CDC14A: variants seen among roughly 807,000 people sequenced by gnomAD.
The protein encoded by CDC14A is dual specificity protein phosphatase CDC14A.
In CDC14A, 53 loss-of-function variants were observed where a neutral mutation model predicts 74.4. That is an observed-to-expected ratio of 0.71 (90% CI 0.57 to 0.89). CDC14A has a LOEUF of 0.89. Among genes scored for constraint, CDC14A ranks in the 40% least tolerant of loss-of-function variants. The pLI is 0.00. For synonymous variants in CDC14A, 247 were observed against 258.4 expected (o/e 0.96, Z 0.43); for missense variants, 646 against 713.7 (o/e 0.91, Z 1.08).
At chr1:100,453,168 T>C (rs560685996) in intron 7 of CDC14A, among the ~76,000 whole-genome samples, 1 of 152,278 alleles carries the variant, frequency 6.6e-6, no homozygotes, top group Non-Finnish European at 1.5e-5. Context: ...GGTAGGAGGA[T>C]TTGCAAACAT....
In CDC14A at chr1:100,383,894, C is replaced by CTT. The variant is rs368973262; in HGVS notation, c.216+6284_216+6285dup. On this transcript the variant is annotated intron_variant, in intron 3 of 15. Coordinates refer to ENST00000336454, the MANE Select transcript of CDC14A (RefSeq NM_003672.4). Reference sequence around the variant, plus strand: ...TGTTTCTTTAAATTGACCTTTAACTCTTTTTTTTTTTTGGCTTTGGCTTTG... The same window carrying CTT: ...TGTTTCTTTAAATTGACCTTTAACTCTTTTTTTTTTTTTTGGCTTTGGCTTTG... Among the ~76,000 whole-genome samples the CTT allele has an allele frequency of 6.9e-3, 1,005 of 146,440 alleles. 8 individuals carry two copies. The highest frequency in any genetic ancestry group is 0.024 in the African/African-American group (947 of 40,292).
At chr1:100,489,731 C>T (rs540066723) in intron 11 of CDC14A, among the ~76,000 whole-genome samples, 1 of 152,236 alleles carries the variant, frequency 6.6e-6, no homozygotes, top group African/African-American at 2.4e-5. Context: ...GGCAGTGGGG[C>T]ATCTGAGAGC....
chr1:100,418,934 C>G (rs1482901740), intron 4 of CDC14A, among the ~76,000 whole-genome samples: 1 of 152,176 alleles, frequency 6.6e-6, no homozygotes, highest in African/African-American at 2.4e-5. Flanking sequence ...CCTGTAATCC[C>G]AGCACTTTGG....
Position 100,367,353 on chromosome 1 carries a change from T to C in CDC14A, c.141-10193T>C, listed in dbSNP as rs192178461. Among the ~76,000 whole-genome samples, 20 of 152,342 alleles carry C rather than the reference T, an allele frequency of 1.3e-4. No individual in the cohort carries two copies. The East Asian group carries it at 3.1e-3, about 23-fold the overall frequency. On this transcript the variant is annotated intron_variant, in intron 2 of 15. Coordinates refer to ENST00000336454, the MANE Select transcript of CDC14A (RefSeq NM_003672.4). ...TGTATTATAAGTATGTTTTCATTTT[T>C]CCCTCAACTCTGGTGAAGAAGGTTC...
chr1:100,353,888 T>G, intron 2 of CDC14A, 36 bp downstream of exon 2: 47 of 1,163,424 alleles, frequency 4.0e-5, no homozygotes, highest in Non-Finnish European at 5.7e-5. Flanking sequence ...CTCTTGGCCA[T>G]TCAGCTTGTT....
At position 100,389,451 on chromosome 1, in the gene CDC14A, CA is replaced by C. The variant is rs111538330; in HGVS notation, c.217-1269del. Reference sequence around the variant, plus strand: ...TGGGTGACAAAGCGAGAATCTGTCTCAAAAAAAAAAAATATATATATATGTG... The same window carrying C: ...TGGGTGACAAAGCGAGAATCTGTCTCAAAAAAAAAAATATATATATATGTG... On this transcript the variant is annotated intron_variant, in intron 3 of 15. Coordinates refer to ENST00000336454, the MANE Select transcript of CDC14A (RefSeq NM_003672.4). Among the ~76,000 whole-genome samples, 469 of 112,390 alleles carry C rather than the reference CA, an allele frequency of 4.2e-3. 1 individual carries two copies. Among genetic ancestry groups the C allele is most frequent in the Middle Eastern group, 0.018 (4 of 222 alleles). The allele number at this position is 112,390 out of a possible 152,430, so 73.7% of individuals were successfully genotyped here. A position where few individuals can be genotyped will look rare whatever the true frequency, so the allele number is the denominator to read the frequency against.
intron 5 of CDC14A, among the ~76,000 whole-genome samples, chr1:100,435,842 A>G (rs1175225612): frequency 6.8e-6 from 1 of 146,172 alleles, no homozygotes; most frequent in Non-Finnish European, 1.5e-5. Context: ...AAAAAAAAAA[A>G]AAAAAGGAAA....
intron 11 of CDC14A, among the ~76,000 whole-genome samples, chr1:100,491,572 A>ATATATATATT (rs1418515078): frequency 2.4e-3 from 59 of 25,100 alleles, no homozygotes; most frequent in Non-Finnish European, 3.2e-3. Context: ...ATATATATAT[A>ATATATATATT]TTTTTTTTTT....
chr1:100,385,166 A>G (rs561458705), intron 3 of CDC14A, among the ~76,000 whole-genome samples: 1 of 152,336 alleles, frequency 6.6e-6, no homozygotes, highest in South Asian at 2.1e-4. Flanking sequence ...ACTTGACCAG[A>G]TGGACAGTGT....
Position 100,463,954 on chromosome 1 carries a change from T to C in CDC14A, c.838+1073T>C, listed in dbSNP as rs188655976. On this transcript the variant is annotated intron_variant, in intron 9 of 15. Transcript: ENST00000336454. ...TAGACCCGGTTTCCCTCTCATTTTA[T>C]GCTAATCATCTAGTAGGTGTTGGGG... Among the ~76,000 whole-genome samples the C allele has an allele frequency of 3.2e-4, 49 of 152,266 alleles. 1 individual carries two copies. The highest frequency in any genetic ancestry group is 8.5e-4 in the Admixed American group (13 of 15,292).
intron 4 of CDC14A, among the ~76,000 whole-genome samples, chr1:100,413,592 A>G (rs377076002): frequency 6.6e-6 from 1 of 152,216 alleles, no homozygotes; most frequent in East Asian, 1.9e-4. Flanking sequence ...CAGACTGCCT[A>G]AAGTTGCCAT....
intron 8 of CDC14A, among the ~76,000 whole-genome samples, chr1:100,458,297 A>C (rs1265785062): frequency 1.3e-5 from 2 of 152,344 alleles, no homozygotes; most frequent in East Asian, 3.9e-4. Flanking sequence ...GAGGATGTAC[A>C]TGCTCACTCT....
intron 10 of CDC14A, among the ~76,000 whole-genome samples, chr1:100,469,330 G>A (rs1350109850): frequency 6.6e-6 from 1 of 152,144 alleles, no homozygotes; most frequent in Non-Finnish European, 1.5e-5. Flanking sequence ...TTATACTTTA[G>A]CTTAAAAGAA....
intron 4 of CDC14A, chr1:100,393,597 T>C (rs1456058058): frequency 2.9e-6 from 2 of 696,016 alleles, no homozygotes; most frequent in African/African-American, 1.7e-5. Context: ...AGTTTACTTC[T>C]CCACCAGCAC....
chr1:100,418,556 A>G lies in CDC14A; in HGVS notation c.310-5666A>G, dbSNP rs144767918. ...GCAGTCTGGACTGGGCTTTTTGAGC[A>G]GGGTTGAGACTTTCCGAGCCCTGCT... On this transcript the variant is annotated intron_variant, in intron 4 of 15. Coordinates refer to ENST00000336454, the MANE Select transcript of CDC14A (RefSeq NM_003672.4). Among the ~76,000 whole-genome samples, 890 of 152,244 alleles carry G rather than the reference A, an allele frequency of 5.8e-3. 16 individuals are homozygous for G. Among genetic ancestry groups the G allele is most frequent in the African/African-American group, 0.021 (863 of 41,540 alleles).
chr1:100,448,398 A>T (rs914369743), intron 7 of CDC14A, among the ~76,000 whole-genome samples: 7 of 152,364 alleles, frequency 4.6e-5, no homozygotes, highest in African/African-American at 1.4e-4. Context: ...GAACAAACCC[A>T]GGCCACTTCT....
chr1:100,405,913 C>T (rs1659881055), intron 4 of CDC14A, among the ~76,000 whole-genome samples: 1 of 152,166 alleles, frequency 6.6e-6, no homozygotes, highest in African/African-American at 2.4e-5. Context: ...GATTCTGGGT[C>T]AAACGGTATT....
At chr1:100,429,236 T>TAAATAAATAAATAAATAA (rs1242910769) in intron 5 of CDC14A, among the ~76,000 whole-genome samples, 36 of 14,394 alleles carry the variant, frequency 2.5e-3, no homozygotes, top group South Asian at 9.6e-3. Context: ...TAAATAAATA[T>TAAATAAATAAATAAATAA]AAAATAAAAT....
chr1:100,459,322 A>G (rs190663051), intron 8 of CDC14A, among the ~76,000 whole-genome samples: 5 of 152,270 alleles, frequency 3.3e-5, no homozygotes, highest in African/African-American at 1.2e-4. Context: ...CAGTTTTCCT[A>G]TATATCACAG....
Sources: allele counts gnomAD v4.1 joint callset (sites outside exome capture counted in the v4.1 genomes callset), GRCh38; gene constraint gnomAD v4.1.1; transcripts MANE v1.5; gene names NCBI Gene and HGNC (gene_info 2026-07-23, HGNC 2026-07-21).